Variants in DYNC1I1 observed in about 807,000 individuals in gnomAD.
DYNC1I1 encodes the protein dynein cytoplasmic 1 intermediate chain 1.
In DYNC1I1, 43 loss-of-function variants were observed where a neutral mutation model predicts 86.6. The ratio of observed to expected loss-of-function variants is 0.50; its 90% CI spans 0.39 to 0.64. The LOEUF is 0.64. DYNC1I1 is among the 30% of genes least tolerant of loss of function. DYNC1I1 has a pLI of 0.00. For missense variants in DYNC1I1, 604 were observed against 788.8 expected, an observed-to-expected ratio of 0.77 and a Z score of 2.81; for synonymous variants, 262 against 283.7, an observed-to-expected ratio of 0.92 and a Z score of 0.77.
At chr7:95,781,069 A>G (rs1223124947) in intron 1 of DYNC1I1, among the ~76,000 whole-genome samples, 2 of 152,064 alleles carry the variant, frequency 1.3e-5, no homozygotes, top group African/African-American at 4.8e-5. Flanking sequence ...TTCAGAAGGT[A>G]TAGGTTACAG....
chr7:96,027,558 G>C (rs1794710847), intron 10 of DYNC1I1, among the ~76,000 whole-genome samples: 1 of 152,274 alleles, frequency 6.6e-6, no homozygotes, highest in East Asian at 1.9e-4. Flanking sequence ...ATAACATTAA[G>C]AATTTTCTGA....
At chr7:95,826,182 A>T (rs1795198882) in intron 4 of DYNC1I1, among the ~76,000 whole-genome samples, 1 of 152,216 alleles carries the variant, frequency 6.6e-6, no homozygotes, top group South Asian at 2.1e-4. Flanking sequence ...AAATTTGAGA[A>T]GCACTGGTCT....
intron 1 of DYNC1I1, among the ~76,000 whole-genome samples, chr7:95,790,102 C>T (rs1474863571): frequency 6.6e-6 from 1 of 152,158 alleles, no homozygotes; most frequent in Non-Finnish European, 1.5e-5. Flanking sequence ...TTCTGTGTTT[C>T]CCTTCTGCGT....
At chr7:95,889,186 A>G (rs1470554099) in intron 6 of DYNC1I1, among the ~76,000 whole-genome samples, 1 of 152,240 alleles carries the variant, frequency 6.6e-6, no homozygotes, top group Admixed American at 6.5e-5. Flanking sequence ...ATCAGACTTA[A>G]TCAAATGACA....
intron 6 of DYNC1I1, among the ~76,000 whole-genome samples, chr7:95,885,170 C>T (rs933775107): frequency 6.6e-6 from 1 of 151,926 alleles, no homozygotes; most frequent in Non-Finnish European, 1.5e-5. Flanking sequence ...GATGTTTCTT[C>T]TTCTTCTTTT....
chr7:96,060,261 C>T (rs1017153210), intron 14 of DYNC1I1, among the ~76,000 whole-genome samples: 1 of 152,132 alleles, frequency 6.6e-6, no homozygotes, highest in Non-Finnish European at 1.5e-5. Flanking sequence ...ATTCATGGTT[C>T]CTGGATGTGG....
At chr7:95,855,102 C>T (rs942251175) in intron 5 of DYNC1I1, among the ~76,000 whole-genome samples, 39 of 152,190 alleles carry the variant, frequency 2.6e-4, no homozygotes, top group Admixed American at 2.5e-3. Flanking sequence ...GCTTGAAGAA[C>T]TCCCTTCAGT....
intron 5 of DYNC1I1, among the ~76,000 whole-genome samples, chr7:95,865,060 G>A (rs1465914791): frequency 6.6e-6 from 1 of 152,076 alleles, no homozygotes. Flanking sequence ...GGGTTGGGGT[G>A]GGGACTGTGA....
At chr7:95,962,790 G>GA (rs1792906481) in intron 6 of DYNC1I1, among the ~76,000 whole-genome samples, 1 of 152,012 alleles carries the variant, frequency 6.6e-6, no homozygotes, top group East Asian at 1.9e-4. Context: ...TGTCTCTGGG[G>GA]AAAAAAATAG....
At chr7:95,895,317 C>T (rs1790853092) in intron 6 of DYNC1I1, among the ~76,000 whole-genome samples, 1 of 152,190 alleles carries the variant, frequency 6.6e-6, no homozygotes, top group Admixed American at 6.5e-5. Context: ...TCACTCAGCT[C>T]ACGAGGCACC....
chr7:95,909,029 T>A (rs1791250228), intron 6 of DYNC1I1, among the ~76,000 whole-genome samples: 1 of 151,430 alleles, frequency 6.6e-6, no homozygotes, highest in African/African-American at 2.4e-5. Flanking sequence ...AAAAAGACTG[T>A]GTTTGTTCCT....
At chr7:95,931,230 C>G (rs1310893611) in intron 6 of DYNC1I1, among the ~76,000 whole-genome samples, 1 of 151,844 alleles carries the variant, frequency 6.6e-6, no homozygotes, top group Non-Finnish European at 1.5e-5. Context: ...ACTGCAACTT[C>G]CATTCCACCT....
chr7:95,788,300 T>C (rs991720367), intron 1 of DYNC1I1, among the ~76,000 whole-genome samples: 4 of 151,840 alleles, frequency 2.6e-5, no homozygotes, highest in African/African-American at 9.7e-5. Flanking sequence ...GGGGAGGTGG[T>C]GAAAAGTGGA....
intron 7 of DYNC1I1, among the ~76,000 whole-genome samples, chr7:95,979,016 G>A (rs536377958): frequency 7.2e-5 from 11 of 152,196 alleles, no homozygotes; most frequent in African/African-American, 2.6e-4. Context: ...GGCTGGTCTC[G>A]AACTCCTGAC....
chr7:96,104,946 T>C (rs781386002), intron 16 of DYNC1I1, among the ~76,000 whole-genome samples: 5 of 152,272 alleles, frequency 3.3e-5, no homozygotes, highest in Admixed American at 2.6e-4. Context: ...TTTCACTGGA[T>C]CTGTATATTT....
intron 7 of DYNC1I1, among the ~76,000 whole-genome samples, chr7:95,979,629 A>G (rs562463909): frequency 6.6e-6 from 1 of 152,306 alleles, no homozygotes; most frequent in South Asian, 2.1e-4. Context: ...ATAGAGATGC[A>G]AGCAAAGTCC....
intron 6 of DYNC1I1, among the ~76,000 whole-genome samples, chr7:95,902,888 G>A (rs888843290): frequency 6.6e-6 from 1 of 152,160 alleles, no homozygotes; most frequent in African/African-American, 2.4e-5. Context: ...TTTAATTCAT[G>A]TGTGAAAACT....
intron 9 of DYNC1I1, among the ~76,000 whole-genome samples, chr7:95,995,669 G>T (rs1228287945): frequency 6.6e-6 from 1 of 152,174 alleles, no homozygotes; most frequent in Non-Finnish European, 1.5e-5. Context: ...AGCCAATACA[G>T]GAGAGGAAGG....
chr7:96,026,017 T>C (rs1386025048), intron 10 of DYNC1I1, among the ~76,000 whole-genome samples: 1 of 152,146 alleles, frequency 6.6e-6, no homozygotes, highest in South Asian at 2.1e-4. Context: ...AAAAAAAAGT[T>C]TCCAACGTAG....
Sources: gnomAD v4.1 joint callset for allele counts (sites outside exome capture counted in the v4.1 genomes callset) on GRCh38, gnomAD v4.1.1 for gene constraint, MANE v1.5 for transcripts, NCBI Gene and HGNC (gene_info 2026-07-23, HGNC 2026-07-21) for gene names.